The following ADD3 variants were observed in gnomAD, a reference collection of about 807,000 sequenced individuals.
ADD3 encodes adducin 3, also known as gamma-adducin.
ADD3 carries 25 observed loss-of-function variants against 80.2 expected under a neutral mutation model. The ratio of observed to expected loss-of-function variants is 0.31; its 90% CI spans 0.23 to 0.44. ADD3 has a LOEUF of 0.44. Among genes scored for constraint, ADD3 ranks in the 20% least tolerant of loss-of-function variants. The probability of loss-of-function intolerance (pLI) is 1.00; values close to 1 mark genes in which losing one functional copy is unlikely to be tolerated. For missense variants in ADD3, 829 were observed against 847.5 expected, an observed-to-expected ratio of 0.98 and a Z score of 0.27; for synonymous variants, 284 against 289.6, an observed-to-expected ratio of 0.98 and a Z score of 0.20.
chr10:110,124,407 A>AAC lies in ADD3; in HGVS notation c.1401+134_1401+135dup. 3.7e-6 allele frequency: 4 copies of AAC among 1,072,156 alleles called. 1 individual carries two copies. In the South Asian group the frequency reaches 6.7e-5, roughly 18 times the overall value. 66.4% of individuals were successfully genotyped at this position (1,072,156 alleles called of 1,614,324 possible). ...ATATTACTGTCACTTATCTGGCTTT[A>AAC]ACTTTGTGCAAGACACTCTTCTAAG... On this transcript the variant is annotated intron_variant, in intron 10 of 14. Coordinates refer to ENST00000356080, the MANE Select transcript of ADD3 (RefSeq NM_016824.5).
At chr10:110,064,532 G>T (rs895880327) in intron 1 of ADD3, among the ~76,000 whole-genome samples, 1 of 152,144 alleles carries the variant, frequency 6.6e-6, no homozygotes, top group Non-Finnish European at 1.5e-5. Context: ...GTTTTTGGAT[G>T]TGCTTTTGCA....
intron 1 of ADD3, among the ~76,000 whole-genome samples, chr10:110,094,572 T>A (rs1847937053): frequency 6.6e-6 from 1 of 152,210 alleles, no homozygotes; most frequent in Non-Finnish European, 1.5e-5. Flanking sequence ...GGGTTTTTTC[T>A]CCCATTTTTC....
Position 110,132,299 on chromosome 10 carries a change from C to A in ADD3, c.1733-6C>A. 1 of 1,607,910 alleles carries A rather than the reference C, an allele frequency of 6.2e-7. No individual in the cohort carries two copies. ...CATGGCTTTTAACTAAACTCTTATC[C>A]AACAGATGCTGAGCAGGAATTACTC... On this transcript the variant is annotated splice_polypyrimidine_tract_variant and splice_region_variant and intron_variant, in intron 13 of 14. Coordinates refer to ENST00000356080, the MANE Select transcript of ADD3 (RefSeq NM_016824.5).
At position 110,079,004 on chromosome 10, in the gene ADD3, A is replaced by G. The variant is rs569920970; in HGVS notation, c.-29-21621A>G. ...TAAATACATAATATAAAGAAAATGG[A>G]ATATTTTTTACCAAGCCCTGTGAAT... On this transcript the variant is annotated intron_variant, in intron 1 of 14. Coordinates refer to ENST00000356080, the MANE Select transcript of ADD3 (RefSeq NM_016824.5). Among the ~76,000 whole-genome samples the G allele has an allele frequency of 2.6e-5, 4 of 152,320 alleles. No homozygotes were observed. The South Asian group carries it at 8.3e-4, about 32-fold the overall frequency.
At chr10:110,000,698 G>T (rs1208833207) in intron 1 of ADD3, among the ~76,000 whole-genome samples, 1 of 152,202 alleles carries the variant, frequency 6.6e-6, no homozygotes, top group African/African-American at 2.4e-5. Flanking sequence ...TTAGGCTCTG[G>T]AGTCAGAAAG....
At chr10:110,108,727 A>G (rs1051937630) in intron 2 of ADD3, among the ~76,000 whole-genome samples, 2 of 152,184 alleles carry the variant, frequency 1.3e-5, no homozygotes, top group Non-Finnish European at 2.9e-5. Context: ...TATCTGAACA[A>G]TATTTGAGAA....
Position 110,130,335 on chromosome 10 carries a change from GAATCGATTTTTATTT to G in ADD3, c.1609-27_1609-13del, listed in dbSNP as rs1564673398. On this transcript the variant is annotated splice_polypyrimidine_tract_variant and intron_variant, in intron 12 of 14. Transcript: ENST00000356080. ...ATATATAAGTAAAACTCTTGGTAATGAATCGATTTTTATTTTTTCTTTGTAAGACTATGCAATTTG... is the reference window on the plus strand; with the variant it reads ...ATATATAAGTAAAACTCTTGGTAATGTTTCTTTGTAAGACTATGCAATTTG... The G allele has an allele frequency of 6.2e-7, 1 of 1,609,998 alleles. No individual in the cohort carries two copies. Among genetic ancestry groups the G allele is most frequent in the Admixed American group, 1.7e-5 (1 of 59,774 alleles).
intron 1 of ADD3, among the ~76,000 whole-genome samples, chr10:110,090,799 G>A (rs556185003): frequency 3.0e-4 from 45 of 152,198 alleles, no homozygotes; most frequent in African/African-American, 7.9e-4. Flanking sequence ...ATTTAGTACC[G>A]CAGTGGGTTG....
At chr10:110,010,024 T>G (rs1197126126) in intron 1 of ADD3, among the ~76,000 whole-genome samples, 1 of 152,228 alleles carries the variant, frequency 6.6e-6, no homozygotes, top group Non-Finnish European at 1.5e-5. Flanking sequence ...GGGAGAAAAT[T>G]ACACACTTTG....
At chr10:110,074,733 A>G (rs1389110119) in intron 1 of ADD3, among the ~76,000 whole-genome samples, 1 of 152,234 alleles carries the variant, frequency 6.6e-6, no homozygotes, top group Non-Finnish European at 1.5e-5. Context: ...ATTTTACAAA[A>G]TTTAAATGAA....
At chr10:110,062,095 G>A (rs1858966445) in intron 1 of ADD3, among the ~76,000 whole-genome samples, 1 of 150,798 alleles carries the variant, frequency 6.6e-6, no homozygotes, top group Non-Finnish European at 1.5e-5. Flanking sequence ...AGGTGCAGTG[G>A]CTCACGCCTG....
rs186104799 is a variant in ADD3 at position 110,125,177 on chromosome 10, C to T, written c.1402-649C>T. On this transcript the variant is annotated intron_variant, in intron 10 of 14. Coordinates refer to ENST00000356080, the MANE Select transcript of ADD3 (RefSeq NM_016824.5). ...AGAACATAATTAAACTCATTGGTTT[C>T]TCAGAATTCATTTTGTTTACAGAGA... 1.7e-3 allele frequency among the ~76,000 whole-genome samples: 252 copies of T among 152,278 alleles called. 4 individuals carry two copies. Among genetic ancestry groups the T allele is most frequent in the Non-Finnish European group, 9.7e-4 (66 of 68,018 alleles).
chr10:110,127,535 C>T (rs1313627220), intron 12 of ADD3, among the ~76,000 whole-genome samples: 2 of 152,108 alleles, frequency 1.3e-5, no homozygotes, highest in African/African-American at 4.8e-5. Context: ...GAGAATCACT[C>T]GAACCCGGGA....
At chr10:110,128,577 G>A (rs1168668841) in intron 12 of ADD3, among the ~76,000 whole-genome samples, 2 of 151,782 alleles carry the variant, frequency 1.3e-5, no homozygotes, top group Non-Finnish European at 2.9e-5. Flanking sequence ...CACCGTGCCC[G>A]ACTAATTTTT....
chr10:110,092,516 A>G lies in ADD3; in HGVS notation c.-29-8109A>G, dbSNP rs566162451. 9.2e-5 allele frequency among the ~76,000 whole-genome samples: 14 copies of G among 152,246 alleles called. No individual in the cohort carries two copies. In the East Asian group the frequency reaches 2.7e-3, roughly 29 times the overall value. Reference sequence around the variant, plus strand: ...TTCTCACCTATAATGGTAACTAAACATTGAATACACATGGACACAAAGGTG... The same window carrying G: ...TTCTCACCTATAATGGTAACTAAACGTTGAATACACATGGACACAAAGGTG... On this transcript the variant is annotated intron_variant, in intron 1 of 14. Coordinates refer to ENST00000356080, the MANE Select transcript of ADD3 (RefSeq NM_016824.5).
intron 1 of ADD3, among the ~76,000 whole-genome samples, chr10:110,077,494 C>T (rs182771637): frequency 6.6e-5 from 10 of 152,106 alleles, no homozygotes; most frequent in Non-Finnish European, 2.9e-5. Context: ...TACTGTATTT[C>T]GAGACATCGT....
intron 6 of ADD3, 61 bp from the exon 7 acceptor site, chr10:110,119,150 T>C: frequency 1.3e-6 from 2 of 1,578,460 alleles, no homozygotes; most frequent in South Asian, 2.3e-5. Flanking sequence ...AACAATCAGG[T>C]TCCTATGAAA....
At chr10:110,131,410 G>GAGGGA (rs1025874363) in intron 13 of ADD3, among the ~76,000 whole-genome samples, 2 of 152,208 alleles carry the variant, frequency 1.3e-5, no homozygotes, top group Non-Finnish European at 2.9e-5. Flanking sequence ...CACATTTAGG[G>GAGGGA]AGGGAAGGGT....
At chr10:110,057,183 C>G (rs1858303074) in intron 1 of ADD3, among the ~76,000 whole-genome samples, 1 of 152,216 alleles carries the variant, frequency 6.6e-6, no homozygotes, top group Admixed American at 6.5e-5. Flanking sequence ...CTACCCGACT[C>G]TGCACTTCTC....
Sources: gnomAD v4.1 joint callset for allele counts (sites outside exome capture counted in the v4.1 genomes callset) on GRCh38, gnomAD v4.1.1 for gene constraint, MANE v1.5 for transcripts, NCBI Gene and HGNC (gene_info 2026-07-23, HGNC 2026-07-21) for gene names.